Variants in AFG1L observed in about 807,000 individuals in gnomAD.
AFG1L encodes the protein AFG1 like ATPase.
Under a neutral mutation model 62.2 loss-of-function variants are expected in AFG1L, and 53 were observed. That is an observed-to-expected ratio of 0.85 (90% CI 0.68 to 1.07). The LOEUF (loss-of-function observed/expected upper bound fraction) is 1.07, where lower values mean the gene tolerates loss of function less well. AFG1L is among the 50% of genes least tolerant of loss of function. The probability of loss-of-function intolerance (pLI) is 0.00; values close to 1 mark genes in which losing one functional copy is unlikely to be tolerated. For synonymous variants in AFG1L, 228 were observed against 210.3 expected, an observed-to-expected ratio of 1.08 and a Z score of -0.73; for missense variants, 555 against 590.5, an observed-to-expected ratio of 0.94 and a Z score of 0.62.
intron 5 of AFG1L, among the ~76,000 whole-genome samples, chr6:108,363,249 G>T (rs1779615302): frequency 1.3e-5 from 2 of 151,988 alleles, no homozygotes; most frequent in East Asian, 1.9e-4. Context: ...AGTTTCAGGG[G>T]TGTGTGTGCA....
chr6:108,425,627 TA>T (rs1770777486), intron 7 of AFG1L, among the ~76,000 whole-genome samples: 3 of 152,124 alleles, frequency 2.0e-5, no homozygotes, highest in South Asian at 2.1e-4. Context: ...TGTTGCACAA[TA>T]TGTGTGTGTG....
At chr6:108,358,635 G>A (rs1360620467) in intron 5 of AFG1L, among the ~76,000 whole-genome samples, 1 of 152,136 alleles carries the variant, frequency 6.6e-6, no homozygotes. Flanking sequence ...TGGGTCAAGC[G>A]ATTCTTCTGC....
At chr6:108,400,847 GC>G (rs1562135031) in intron 6 of AFG1L, among the ~76,000 whole-genome samples, 770 of 21,752 alleles carry the variant, frequency 0.035, 14 homozygotes, top group African/African-American at 0.34. Flanking sequence ...TATATATAAT[GC>G]AAATATATAT....
chr6:108,358,593 C>T (rs904898961), intron 5 of AFG1L, among the ~76,000 whole-genome samples: 1 of 152,090 alleles, frequency 6.6e-6, no homozygotes, highest in Non-Finnish European at 1.5e-5. Context: ...AATGCAATGG[C>T]GTGATCTTGG....
At chr6:108,368,884 A>G (rs1408555082) in intron 6 of AFG1L, among the ~76,000 whole-genome samples, 1 of 152,200 alleles carries the variant, frequency 6.6e-6, no homozygotes, top group Non-Finnish European at 1.5e-5. Flanking sequence ...CCGGTGTGTC[A>G]GGGTAGCCTG....
intron 10 of AFG1L, 113 bp from the exon 11 acceptor site, chr6:108,510,099 G>A: frequency 1.4e-6 from 1 of 740,260 alleles, no homozygotes; most frequent in South Asian, 2.0e-5. Context: ...GTTACCCACA[G>A]CTACCACCTA....
At chr6:108,467,653 C>G (rs974137955) in intron 8 of AFG1L, among the ~76,000 whole-genome samples, 2 of 152,170 alleles carry the variant, frequency 1.3e-5, no homozygotes, top group African/African-American at 4.8e-5. Context: ...ATTATTGCAA[C>G]ATATAATCTT....
chr6:108,517,922 A>G (rs1321732111), intron 11 of AFG1L, among the ~76,000 whole-genome samples: 1 of 152,262 alleles, frequency 6.6e-6, no homozygotes, highest in Non-Finnish European at 1.5e-5. Flanking sequence ...ATCACTGGCC[A>G]TCAGAGAAAT....
chr6:108,302,755 C>T (rs1230653345), intron 1 of AFG1L, among the ~76,000 whole-genome samples: 1 of 152,114 alleles, frequency 6.6e-6, no homozygotes, highest in African/African-American at 2.4e-5. Context: ...TCCAATTGTG[C>T]CCTGTTACAA....
intron 6 of AFG1L, among the ~76,000 whole-genome samples, chr6:108,392,777 A>C (rs975593418): frequency 6.6e-6 from 1 of 152,138 alleles, no homozygotes; most frequent in Non-Finnish European, 1.5e-5. Flanking sequence ...CCATGAAACC[A>C]TAAAATTATT....
intron 7 of AFG1L, among the ~76,000 whole-genome samples, chr6:108,441,252 TAC>T (rs2114736011): frequency 6.6e-6 from 1 of 152,268 alleles, no homozygotes; most frequent in East Asian, 1.9e-4. Flanking sequence ...TTGCTAAAAA[TAC>T]ACACAATAGA....
chr6:108,397,858 T>G (rs1433976911), intron 6 of AFG1L, among the ~76,000 whole-genome samples: 1 of 152,238 alleles, frequency 6.6e-6, no homozygotes, highest in African/African-American at 2.4e-5. Context: ...CATCTGTTGA[T>G]GGACACTTAG....
chr6:108,472,460 A>G (rs1772930889), intron 8 of AFG1L, among the ~76,000 whole-genome samples: 1 of 152,200 alleles, frequency 6.6e-6, no homozygotes, highest in African/African-American at 2.4e-5. Context: ...TGATAATTTC[A>G]CTATATATAT....
At chr6:108,389,929 C>T (rs1227311152) in intron 6 of AFG1L, among the ~76,000 whole-genome samples, 8 of 152,218 alleles carry the variant, frequency 5.3e-5, no homozygotes, top group African/African-American at 1.2e-4. Context: ...TGACCTGCCT[C>T]GCTAGGTTGG....
intron 7 of AFG1L, among the ~76,000 whole-genome samples, chr6:108,421,292 G>A (rs1033382790): frequency 2.0e-5 from 3 of 152,050 alleles, no homozygotes; most frequent in Non-Finnish European, 4.4e-5. Flanking sequence ...TAATTTGCTT[G>A]AACTCTATAT....
At chr6:108,340,048 C>T (rs1778622965) in intron 2 of AFG1L, among the ~76,000 whole-genome samples, 2 of 151,476 alleles carry the variant, frequency 1.3e-5, no homozygotes, top group Non-Finnish European at 2.9e-5. Context: ...ACCCCAGCCT[C>T]CCACTACCCT....
chr6:108,510,579 T>A (rs1408361813), intron 11 of AFG1L, among the ~76,000 whole-genome samples: 5 of 152,230 alleles, frequency 3.3e-5, no homozygotes, highest in Non-Finnish European at 5.9e-5. Context: ...TGGCACAAGC[T>A]GAATGCTGTA....
At chr6:108,359,812 T>C (rs1002495411) in intron 5 of AFG1L, 1 of 152,200 alleles carries the variant, frequency 6.6e-6, no homozygotes, top group Non-Finnish European at 1.5e-5. Context: ...TAAGGTGCCA[T>C]CAGTATTGTC....
intron 7 of AFG1L, among the ~76,000 whole-genome samples, chr6:108,440,412 G>T (rs1771490012): frequency 6.6e-6 from 1 of 151,976 alleles, no homozygotes; most frequent in East Asian, 1.9e-4. Flanking sequence ...CAGGTGATCT[G>T]CCTGTCTCAG....
Sources: gnomAD v4.1 joint callset for allele counts (sites outside exome capture counted in the v4.1 genomes callset) on GRCh38, gnomAD v4.1.1 for gene constraint, MANE v1.5 for transcripts, NCBI Gene and HGNC (gene_info 2026-07-23, HGNC 2026-07-21) for gene names.